Variants in FANCE observed in about 807,000 individuals in gnomAD.
FANCE encodes FA complementation group E, also known as Fanconi anemia group E protein.
In FANCE, 42 loss-of-function variants were observed where a neutral mutation model predicts 57.8. The ratio of observed to expected loss-of-function variants is 0.73; its 90% CI spans 0.57 to 0.94. The LOEUF is 0.94. FANCE is among the 40% of genes least tolerant of loss of function. FANCE has a pLI of 0.00. For missense variants in FANCE, 608 were observed against 661.8 expected, an observed-to-expected ratio of 0.92 and a Z score of 0.89; for synonymous variants, 251 against 286.4, an observed-to-expected ratio of 0.88 and a Z score of 1.25.
rs1334505373 is a variant in FANCE, at chr6:35,459,766, T to C, written c.1316+6T>C. 1 of 1,613,210 alleles carries C rather than the reference T, an allele frequency of 6.2e-7. No individual in the cohort carries two copies. Among genetic ancestry groups the C allele is most frequent in the Non-Finnish European group, 8.5e-7 (1 of 1,179,400 alleles). On this transcript the variant is annotated splice_donor_region_variant and intron_variant, in intron 7 of 9. Transcript: ENST00000229769. Reference sequence around the variant, plus strand: ...GCACAGGTTCTAATGCTGGGGTGAGTGTGCAGGCCTCCGTGCTGTCCCCAC... The same window carrying C: ...GCACAGGTTCTAATGCTGGGGTGAGCGTGCAGGCCTCCGTGCTGTCCCCAC...
chr6:35,459,246 G>A, intron 5 of FANCE, 85 bp from the exon 6 acceptor site: 2 of 1,537,622 alleles, frequency 1.3e-6, no homozygotes, highest in Non-Finnish European at 1.8e-6. Flanking sequence ...TTTGTAACAT[G>A]TATCATCATC....
intron 3 of FANCE, 133 bp from the exon 4 acceptor site, chr6:35,457,782 AC>A: frequency 9.9e-7 from 1 of 1,011,480 alleles, no homozygotes; most frequent in Non-Finnish European, 1.6e-6. Flanking sequence ...TTACCATCTA[AC>A]CCCAGGTAAC....
Position 35,455,911 on chromosome 6 carries a change from A to C in FANCE, c.413A>C (p.Glu138Ala). 6.2e-7 allele frequency: 1 copy of C among 1,614,020 alleles called. No homozygotes were observed. Among genetic ancestry groups the C allele is most frequent in the Non-Finnish European group, 8.5e-7 (1 of 1,180,012 alleles). Residue 138 changes from glutamate (E) to alanine (A), a missense_variant, in exon 2 of 10, where the codon GAA becomes GCA. By Grantham distance (107) the Glu-to-Ala change is moderately radical. Transcript: ENST00000229769. ...DPDAWLRALG[E>A]LLRRDLGVGT... ...GATGCCTGGCTCCGTGCCCTGGGGG[A>C]ATTGCTGCGAAGGGATTTGGGGGTG...
chr6:35,462,903 T>C lies in FANCE; in HGVS notation c.1498T>C (p.Tyr500His). The C allele has an allele frequency of 6.2e-7, 1 of 1,614,238 alleles. No homozygotes were observed. The highest frequency in any genetic ancestry group is 8.5e-7 in the Non-Finnish European group (1 of 1,180,024). ...GCTCATGCTGACAGTGATGACCAAG[T>C]ATCAGGCTAACGTGAGTATTGATAG... ...AKLMLTVMTK[Y>H]QANITETQRL... Residue 500 changes from tyrosine (Y) to histidine (H), a missense_variant, in exon 9 of 10, where the codon TAT (tyrosine) becomes CAT (histidine). By Grantham distance (83) the Tyr-to-His change is moderately conservative. Coordinates refer to ENST00000229769, the MANE Select transcript of FANCE (RefSeq NM_021922.3).
chr6:35,458,212 G>A, intron 4 of FANCE, 85 bp from the exon 5 acceptor site: 1 of 1,562,828 alleles, frequency 6.4e-7, no homozygotes, highest in Non-Finnish European at 8.8e-7. Flanking sequence ...GCCCTGCTCT[G>A]TCTGCTGTCC....
At chr6:35,458,570 G>A (rs567451657) in intron 5 of FANCE, 130 bp downstream of exon 5, 3 of 1,141,134 alleles carry the variant, frequency 2.6e-6, no homozygotes, top group South Asian at 2.5e-5. Context: ...GCAGCCTGGG[G>A]CAAGGAAAGG....
rs111581933 is a variant in FANCE, at chr6:35,457,126, C to CTT, written c.856-420_856-419dup. Among the ~76,000 whole-genome samples the CTT allele has an allele frequency of 1.3e-3, 196 of 147,636 alleles. 2 individuals are homozygous for CTT. The highest frequency in any genetic ancestry group is 4.6e-3 in the African/African-American group (187 of 40,396). ...CAAGATAGAGACTTCATGTTCTTGA[C>CTT]TTTTTTTTTTTCTCCTCGAGACAGG... On this transcript the variant is annotated intron_variant, in intron 2 of 9. Transcript: ENST00000229769.
intron 1 of FANCE, 152 bp from the exon 2 acceptor site, chr6:35,455,595 G>A (rs1767293759): frequency 1.1e-6 from 1 of 925,152 alleles, no homozygotes; most frequent in South Asian, 1.3e-5. Flanking sequence ...ACAGGTGTGA[G>A]TCACCACACC....
chr6:35,462,906 C>T lies in FANCE; in HGVS notation c.1501C>T (p.Gln501Ter), dbSNP rs746321808. Residue 501 changes from glutamine (Q) to a stop codon, truncating the protein, a stop_gained, in exon 9 of 10, where the codon CAG becomes TAG. Coordinates refer to ENST00000229769, the MANE Select transcript of FANCE (RefSeq NM_021922.3). LOFTEE classifies it high-confidence loss of function. ...KLMLTVMTKY[Q>*]ANITETQRLG... The stretch of plus-strand genomic sequence containing the variant: ...CATGCTGACAGTGATGACCAAGTAT[C>T]AGGCTAACGTGAGTATTGATAGGGC... 1 of 1,614,216 alleles carries T rather than the reference C, an allele frequency of 6.2e-7. No homozygotes were observed.
chr6:35,459,744 C>T lies in FANCE; in HGVS notation c.1300C>T (p.Gln434Ter). The T allele has an allele frequency of 6.2e-7, 1 of 1,614,150 alleles. No homozygotes were observed. The highest frequency in any genetic ancestry group is 1.3e-5 in the African/African-American group (1 of 75,050). ...VKMESLEPDA[Q>*]VLMLGQILEL... Reference sequence around the variant, plus strand: ...GATGGAGTCCCTGGAGCCAGATGCACAGGTTCTAATGCTGGGGTGAGTGTG... The same window carrying T: ...GATGGAGTCCCTGGAGCCAGATGCATAGGTTCTAATGCTGGGGTGAGTGTG... The change falls in exon 7 of 10, where the codon CAG becomes TAG. Residue 434 changes from glutamine to a stop codon, truncating the protein, a stop_gained. Transcript: ENST00000229769. LOFTEE classifies it high-confidence loss of function.
Position 35,455,836 on chromosome 6 carries a change from G to A in FANCE, c.338G>A (p.Gly113Glu). 6.2e-7 allele frequency: 1 copy of A among 1,614,174 alleles called. No individual in the cohort carries two copies. The highest frequency in any genetic ancestry group is 1.1e-5 in the South Asian group (1 of 91,084). Residue 113 changes from glycine (G) to glutamate (E), a missense_variant, in exon 2 of 10, where the codon GGG becomes GAG. Coordinates refer to ENST00000229769, the MANE Select transcript of FANCE (RefSeq NM_021922.3). ...GTTCGGCCATCGCTGCCGGAAAGTG[G>A]GCTCCTCTCTGTGCTGCAGATTGCC... ...MAVRPSLPES[G>E]LLSVLQIAQQ...
In FANCE at chr6:35,457,549, TC is replaced by T; in HGVS notation, c.856-5del. ...GGACGTAGCAGTGACTGGGCTCTCC[TC>T]CACAGGACCAGCTTCCCAGGCTGCA... On this transcript the variant is annotated splice_polypyrimidine_tract_variant and splice_region_variant and intron_variant, in intron 2 of 9. Transcript: ENST00000229769. The T allele has an allele frequency of 6.2e-7, 1 of 1,613,756 alleles. No homozygotes were observed. The highest frequency in any genetic ancestry group is 8.5e-7 in the Non-Finnish European group (1 of 1,180,002).
At chr6:35,457,501 T>C (rs1767393618) in intron 2 of FANCE, 55 bp from the exon 3 acceptor site, 6 of 1,602,396 alleles carry the variant, frequency 3.7e-6, no homozygotes, top group Non-Finnish European at 4.3e-6. Context: ...AGAACCGGGC[T>C]TGGGGTCATG....
chr6:35,466,104 TAATG>T, intron 9 of FANCE, 136 bp from the exon 10 acceptor site: 2 of 681,558 alleles, frequency 2.9e-6, no homozygotes, highest in South Asian at 3.1e-5. Flanking sequence ...CATGGTGAAA[TAATG>T]AGATTAGATT....
rs779861758 is a variant in FANCE, at chr6:35,455,629, C to A, written c.249-118C>A. On this transcript the variant is annotated intron_variant, in intron 1 of 9. Coordinates refer to ENST00000229769, the MANE Select transcript of FANCE (RefSeq NM_021922.3). Reference sequence around the variant, plus strand: ...CCTGGCCAACATCCACTGACTCTTGCAGATACTGCGTGCCAGCCCCCATCT... The same window carrying A: ...CCTGGCCAACATCCACTGACTCTTGAAGATACTGCGTGCCAGCCCCCATCT... The A allele has an allele frequency of 3.7e-4, 454 of 1,243,588 alleles. 3 individuals are homozygous for A. The highest frequency in any genetic ancestry group is 4.1e-4 in the Non-Finnish European group (352 of 858,770). The allele number at this position is 1,243,588 out of a possible 1,614,324, so 77.0% of individuals were successfully genotyped here. A position where few individuals can be genotyped will look rare whatever the true frequency, so the allele number is the denominator to read the frequency against.
In FANCE at chr6:35,452,693, C is replaced by T. The variant is rs1278828834; in HGVS notation, c.148C>T (p.Leu50=). The part of the protein sequence containing the change: ...ARRGLGVLRA[L]GSRGWEPFDW... ...GCGCGGCCTGGGGGTGCTCCGGGCGCTGGGCAGCCGCGGCTGGGAGCCCTT... is the reference window on the plus strand; with the variant it reads ...GCGCGGCCTGGGGGTGCTCCGGGCGTTGGGCAGCCGCGGCTGGGAGCCCTT... The change falls in exon 1 of 10, where the codon CTG becomes TTG. Residue 50 remains leucine (L), a synonymous_variant. Transcript: ENST00000229769. 3 of 1,239,596 alleles carry T rather than the reference C, an allele frequency of 2.4e-6. No homozygotes were observed. The highest frequency in any genetic ancestry group is 3.0e-6 in the Non-Finnish European group (3 of 992,368). 76.8% of individuals were successfully genotyped at this position (1,239,596 alleles called of 1,614,324 possible).
At position 35,466,758 on chromosome 6, in the gene FANCE, G is replaced by C. The variant is rs921501985; in HGVS notation, c.*413G>C. ...TTTTTATTTTGTAGATAATATGCTG[G>C]TCAGGGCTGGTCTTGAACTCCTGAG... is the stretch of plus-strand genomic sequence containing the variant. On this transcript the variant is annotated 3_prime_UTR_variant, in exon 10 of 10. Coordinates refer to ENST00000229769, the MANE Select transcript of FANCE (RefSeq NM_021922.3). 1 of 337,256 alleles carries C rather than the reference G, an allele frequency of 3.0e-6. No homozygotes were observed. Among genetic ancestry groups the C allele is most frequent in the Non-Finnish European group, 5.6e-6 (1 of 179,660 alleles). The allele number at this position is 337,256 out of a possible 1,614,324, so 20.9% of individuals were successfully genotyped here. A position where few individuals can be genotyped will look rare whatever the true frequency, so the allele number is the denominator to read the frequency against.
intron 2 of FANCE, 131 bp from the exon 3 acceptor site, chr6:35,457,425 G>T (rs1561790845): frequency 1.0e-6 from 1 of 997,076 alleles, no homozygotes; most frequent in Non-Finnish European, 1.5e-6. Context: ...TTGGCCTCTT[G>T]ACTTTCTTGA....
In FANCE at chr6:35,455,840, C is replaced by T. The variant is rs1467154718; in HGVS notation, c.342C>T (p.Leu114=). ...GGCCATCGCTGCCGGAAAGTGGGCT[C>T]CTCTCTGTGCTGCAGATTGCCCAGC... The part of the protein sequence containing the change: ...AVRPSLPESG[L]LSVLQIAQQD... Residue 114 remains leucine (L), a synonymous_variant, in exon 2 of 10, where the codon CTC becomes CTT. Transcript: ENST00000229769. 8 of 1,614,222 alleles carry T rather than the reference C, an allele frequency of 5.0e-6. No individual in the cohort carries two copies. The Middle Eastern group carries it at 6.6e-4, about 133-fold the overall frequency.
Sources: allele counts gnomAD v4.1 joint callset (sites outside exome capture counted in the v4.1 genomes callset), GRCh38; gene constraint gnomAD v4.1.1; transcripts MANE v1.5; gene names NCBI Gene and HGNC (gene_info 2026-07-23, HGNC 2026-07-21).